TSC22D1: variants seen among roughly 807,000 people sequenced by gnomAD.
TSC22D1 encodes the protein TSC22 domain family member 1.
Under a neutral mutation model 74.2 loss-of-function variants are expected in TSC22D1, and 9 were observed. The observed-to-expected ratio is 0.12, with a 90% CI of 0.07 to 0.21. The LOEUF (loss-of-function observed/expected upper bound fraction) is 0.21. Ranked by LOEUF, TSC22D1 falls within the 10% of genes least tolerant of loss-of-function variation. TSC22D1 has a pLI of 1.00. For synonymous variants in TSC22D1, 586 were observed against 492.5 expected (o/e 1.19, Z -2.51); for missense variants, 1,427 against 1,304.7 (o/e 1.09, Z -1.44).
intron 1 of TSC22D1, chr13:44,539,158 T>G (rs1016735207): frequency 6.0e-5 from 59 of 985,162 alleles, no homozygotes; most frequent in Non-Finnish European, 6.4e-5. Flanking sequence ...GACTTTTGAG[T>G]ATATTAAACA....
intron 1 of TSC22D1, among the ~76,000 whole-genome samples, chr13:44,476,403 G>A (rs1877911685): frequency 6.6e-6 from 1 of 151,990 alleles, no homozygotes. Context: ...ACAGAATAAT[G>A]AAGTGATTTT....
intron 1 of TSC22D1, among the ~76,000 whole-genome samples, chr13:44,446,835 G>GGAGGAAGAAGAAGAA (rs1875709328): frequency 7.3e-6 from 1 of 136,392 alleles, no homozygotes; most frequent in Non-Finnish European, 1.6e-5. Flanking sequence ...AAGAAGAGGA[G>GGAGGAAGAAGAAGAA]GAGGAAGAAG....
intron 1 of TSC22D1, among the ~76,000 whole-genome samples, chr13:44,496,752 C>T (rs1334645468): frequency 1.3e-5 from 2 of 151,922 alleles, no homozygotes; most frequent in Non-Finnish European, 2.9e-5. Flanking sequence ...GCAGTCTCAG[C>T]TATTCAGGAG....
Position 44,551,425 on chromosome 13 carries a change from T to C in TSC22D1, c.2912+21738A>G, listed in dbSNP as rs1882264148. On this transcript the variant is annotated intron_variant, in intron 1 of 2. Transcript: ENST00000458659. The stretch of plus-strand genomic sequence containing the variant: ...GTGTGTGTGTGTGTGTGTGTGTGTG[T>C]GTGTGTGTCTGAGACAGAGTCTCAC... Among the ~76,000 whole-genome samples the C allele has an allele frequency of 2.6e-5, 4 of 151,366 alleles. No homozygotes were observed. In the South Asian group the frequency reaches 6.3e-4, roughly 24 times the overall value.
chr13:44,474,053 G>A (rs1877758527), intron 1 of TSC22D1, among the ~76,000 whole-genome samples: 1 of 152,134 alleles, frequency 6.6e-6, no homozygotes, highest in Non-Finnish European at 1.5e-5. Context: ...AATTTTTCCA[G>A]CTGGGAAAAA....
chr13:44,496,052 T>C (rs1446683774), intron 1 of TSC22D1, among the ~76,000 whole-genome samples: 1 of 152,206 alleles, frequency 6.6e-6, no homozygotes, highest in Non-Finnish European at 1.5e-5. Context: ...GGAGAAAATA[T>C]TTGTGAATTG....
rs1884136707 is a variant in TSC22D1, at chr13:44,575,300, A to T, written c.775T>A (p.Ser259Thr). ...CTTCCAGTTGTAGAGAGTTTTCTAG[A>T]TACTGGGCTTGAGGGTGGCCCACCA... ...ITGGPPSSPV[S>T]RKLSTTGSSD... Residue 259 changes from serine to threonine, a missense_variant, in exon 1 of 3, where the codon TCT becomes ACT. Transcript: ENST00000458659. 1.2e-6 allele frequency: 2 copies of T among 1,614,132 alleles called. No individual in the cohort carries two copies. The highest frequency in any genetic ancestry group is 2.7e-5 in the African/African-American group (2 of 75,040).
intron 1 of TSC22D1, chr13:44,452,495 G>A (rs963822813): frequency 6.6e-6 from 1 of 152,276 alleles, no homozygotes; most frequent in African/African-American, 2.4e-5. Context: ...CCGAGCACAG[G>A]GAGCCTGGGC....
At chr13:44,517,019 G>A (rs149734433) in intron 1 of TSC22D1, among the ~76,000 whole-genome samples, 134 of 152,264 alleles carry the variant, frequency 8.8e-4, no homozygotes, top group Non-Finnish European at 3.5e-4. Flanking sequence ...TGGAAGTACA[G>A]CTGCCTGATC....
At chr13:44,554,111 C>A (rs752369995) in intron 1 of TSC22D1, among the ~76,000 whole-genome samples, 3 of 152,186 alleles carry the variant, frequency 2.0e-5, no homozygotes, top group East Asian at 1.9e-4. Context: ...AAACAGCCAT[C>A]GATTTACAGA....
chr13:44,459,727 A>G (rs1463443483), intron 1 of TSC22D1, among the ~76,000 whole-genome samples: 1 of 151,942 alleles, frequency 6.6e-6, no homozygotes, highest in African/African-American at 2.4e-5. Flanking sequence ...GCGCCACTGC[A>G]CTCCCCGGTG....
chr13:44,515,036 A>T (rs1437196583), intron 1 of TSC22D1, among the ~76,000 whole-genome samples: 1 of 152,176 alleles, frequency 6.6e-6, no homozygotes, highest in African/African-American at 2.4e-5. Context: ...TGCTAGTGGG[A>T]GGGTAATCTG....
In TSC22D1 at chr13:44,576,102, G is replaced by A. The variant is rs1166369959; in HGVS notation, c.-28C>T. The A allele has an allele frequency of 2.0e-6, 3 of 1,489,118 alleles. No homozygotes were observed. The highest frequency in any genetic ancestry group is 2.7e-6 in the Non-Finnish European group (3 of 1,126,220). 92.2% of individuals were successfully genotyped at this position (1,489,118 alleles called of 1,614,324 possible). On this transcript the variant is annotated 5_prime_UTR_variant, in exon 1 of 3. Coordinates refer to ENST00000458659, the MANE Select transcript of TSC22D1 (RefSeq NM_183422.4). ...TGTTGGGTACCGGGGGCGCGGAGGAGACGAGTGCAATTTCCTTCTGCACCG... is the reference window on the plus strand; with the variant it reads ...TGTTGGGTACCGGGGGCGCGGAGGAAACGAGTGCAATTTCCTTCTGCACCG...
chr13:44,449,770 C>T (rs1285574934), intron 1 of TSC22D1, among the ~76,000 whole-genome samples: 1 of 152,144 alleles, frequency 6.6e-6, no homozygotes, highest in Non-Finnish European at 1.5e-5. Flanking sequence ...AGCATTTAAA[C>T]CTGCTGCCAA....
chr13:44,492,943 C>G (rs570496694), intron 1 of TSC22D1, among the ~76,000 whole-genome samples: 1 of 152,056 alleles, frequency 6.6e-6, no homozygotes, highest in African/African-American at 2.4e-5. Context: ...CATCTGCTAA[C>G]TCAAATCCCT....
chr13:44,473,488 C>G (rs1428971367), intron 1 of TSC22D1, among the ~76,000 whole-genome samples: 1 of 151,882 alleles, frequency 6.6e-6, no homozygotes, highest in Non-Finnish European at 1.5e-5. Context: ...GAGCAAGACC[C>G]CTGACTCTAA....
rs1312276070 is a variant in TSC22D1 at position 44,575,257 on chromosome 13, G to A, written c.818C>T (p.Pro273Leu). ...TGATACAGCAGAAGTTGGTGCAACT[G>A]GTGTGATACTGTCAGAGCTTCCAGT... ...STTGSSDSIT[P>L]VAPTSAVSSS... The change falls in exon 1 of 3, where the codon CCA (proline) becomes CTA (leucine). Residue 273 changes from proline (P) to leucine (L), a missense_variant. Physicochemically the swap from Pro to Leu is moderately conservative, Grantham distance 98 (BLOSUM62 -3). This residue lies in a region of TSC22D1 where 1,343 missense variants were observed against 1,191.5 expected (regional missense o/e 1.13). Coordinates refer to ENST00000458659, the MANE Select transcript of TSC22D1 (RefSeq NM_183422.4). 1 of 1,614,084 alleles carries A rather than the reference G, an allele frequency of 6.2e-7. No individual in the cohort carries two copies. The highest frequency in any genetic ancestry group is 8.5e-7 in the Non-Finnish European group (1 of 1,180,042).
At chr13:44,568,800 AACAG>A (rs1268198489) in intron 1 of TSC22D1, among the ~76,000 whole-genome samples, 1 of 152,218 alleles carries the variant, frequency 6.6e-6, no homozygotes, top group East Asian at 1.9e-4. Context: ...ACTTGGAGAA[AACAG>A]ACAGCGCTGA....
chr13:44,477,638 A>ATT (rs35355914), intron 1 of TSC22D1, among the ~76,000 whole-genome samples: 1,288 of 125,308 alleles, frequency 0.01, 28 homozygotes, highest in South Asian at 0.03. Context: ...GTGCTCATAG[A>ATT]TTTTTTTTTT....
Sources: gnomAD v4.1 joint callset for allele counts (sites outside exome capture counted in the v4.1 genomes callset) on GRCh38, gnomAD v4.1.1 for gene constraint, gnomAD v4.1.1 regional missense constraint, MANE v1.5 for transcripts, NCBI Gene and HGNC (gene_info 2026-07-23, HGNC 2026-07-21) for gene names.